COLEC11: variants seen among roughly 807,000 people sequenced by gnomAD.
The protein encoded by COLEC11 is collectin subfamily member 11, also known as collectin-11.
COLEC11 carries 20 observed loss-of-function variants against 27.3 expected under a neutral mutation model. The ratio of observed to expected loss-of-function variants is 0.73; its 90% CI spans 0.51 to 1.06. COLEC11 has a LOEUF of 1.06. Among genes scored for constraint, COLEC11 ranks in the 50% least tolerant of loss-of-function variants. The pLI is 0.00. For missense variants in COLEC11, 310 were observed against 383.0 expected (o/e 0.81, Z 1.59); for synonymous variants, 163 against 154.7 (o/e 1.05, Z -0.40).
intron 1 of COLEC11, among the ~76,000 whole-genome samples, chr2:3,595,536 G>T (rs889701851): frequency 1.3e-5 from 2 of 152,164 alleles, no homozygotes; most frequent in African/African-American, 4.8e-5. Flanking sequence ...ACAACCTGAC[G>T]ATTGTTCCTG....
chr2:3,627,921 G>A (rs1664680429), intron 3 of COLEC11, among the ~76,000 whole-genome samples: 2 of 152,240 alleles, frequency 1.3e-5, no homozygotes, highest in African/African-American at 2.4e-5. Flanking sequence ...CCTGGGAAGA[G>A]CGGGACCTGG....
At chr2:3,632,645 G>A (rs1665104446) in intron 3 of COLEC11, among the ~76,000 whole-genome samples, 1 of 152,216 alleles carries the variant, frequency 6.6e-6, no homozygotes, top group Non-Finnish European at 1.5e-5. Flanking sequence ...CAGAATTTTG[G>A]AGGATGTAAT....
chr2:3,606,473 T>C (rs540421451), intron 2 of COLEC11, among the ~76,000 whole-genome samples: 35 of 152,310 alleles, frequency 2.3e-4, no homozygotes, highest in African/African-American at 8.4e-4. Context: ...ACGGGTCACC[T>C]GTCCTCCCAA....
At chr2:3,607,668 C>T (rs571314714) in intron 2 of COLEC11, among the ~76,000 whole-genome samples, 7 of 152,156 alleles carry the variant, frequency 4.6e-5, no homozygotes, top group African/African-American at 7.2e-5. Flanking sequence ...AGGCTGGTCT[C>T]GAACTCCTGA....
chr2:3,624,289 T>C (rs1463011700), intron 3 of COLEC11, among the ~76,000 whole-genome samples: 2 of 152,166 alleles, frequency 1.3e-5, no homozygotes, highest in African/African-American at 4.8e-5. Context: ...GGGTGAAGCA[T>C]GTGAGCATTT....
At chr2:3,616,724 G>C (rs772456432) in intron 3 of COLEC11, among the ~76,000 whole-genome samples, 23 of 152,112 alleles carry the variant, frequency 1.5e-4, no homozygotes, top group Non-Finnish European at 2.4e-4. Flanking sequence ...GTCCAGCTTC[G>C]GCTCAGCATC....
chr2:3,643,396 TC>T, intron 5 of COLEC11, 47 bp from the exon 6 acceptor site: 1 of 1,478,532 alleles, frequency 6.8e-7, no homozygotes, highest in Non-Finnish European at 9.5e-7. Context: ...CTCTTCTGAG[TC>T]CGAGTCCTCA....
chr2:3,607,009 C>G (rs1662758982), intron 2 of COLEC11, among the ~76,000 whole-genome samples: 1 of 152,230 alleles, frequency 6.6e-6, no homozygotes, highest in African/African-American at 2.4e-5. Context: ...TGTCTCCTCA[C>G]AGTCCCGCCG....
chr2:3,617,085 A>G (rs1409476879), intron 3 of COLEC11, among the ~76,000 whole-genome samples: 2 of 151,986 alleles, frequency 1.3e-5, no homozygotes, highest in African/African-American at 2.4e-5. Context: ...CTATGGACCC[A>G]GTAGTGACAT....
At chr2:3,598,938 T>C (rs1451591740) in intron 1 of COLEC11, among the ~76,000 whole-genome samples, 1 of 152,234 alleles carries the variant, frequency 6.6e-6, no homozygotes, top group African/African-American at 2.4e-5. Context: ...CAACGTATAT[T>C]GGCTCCTTGT....
intron 1 of COLEC11, chr2:3,603,839 G>T (rs1050833356): frequency 4.7e-6 from 3 of 634,696 alleles, no homozygotes; most frequent in East Asian, 2.8e-5. Flanking sequence ...AGATGTGGGG[G>T]CGTGGATTCC....
chr2:3,599,203 T>C (rs1187568348), intron 1 of COLEC11, among the ~76,000 whole-genome samples: 13 of 152,138 alleles, frequency 8.5e-5, no homozygotes, highest in East Asian at 1.9e-4. Flanking sequence ...CTCTGTGCAG[T>C]GTATGGGAGT....
At position 3,602,657 on chromosome 2, in the gene COLEC11, C is replaced by T. The variant is rs567519152; in HGVS notation, c.-26-1658C>T. 7.9e-5 allele frequency among the ~76,000 whole-genome samples: 12 copies of T among 152,284 alleles called. No homozygotes were observed. Among genetic ancestry groups the T allele is most frequent in the South Asian group, 4.2e-4 (2 of 4,816 alleles). On this transcript the variant is annotated intron_variant, in intron 1 of 6. Coordinates refer to ENST00000349077, the MANE Select transcript of COLEC11 (RefSeq NM_024027.5). The surrounding 1 kb of genome is among the most constrained non-coding windows in gnomAD (Gnocchi z 6.2). ...GAGCAGGGAGACCCTTTTGTAAAGC[C>T]GCTCGCTGATCCAGACCCTCTGTCT... is the stretch of plus-strand genomic sequence containing the variant.
intron 3 of COLEC11, among the ~76,000 whole-genome samples, chr2:3,635,074 CCTCTCCCCTGCCT>C: frequency 7.9e-6 from 1 of 126,630 alleles, no homozygotes; most frequent in Non-Finnish European, 1.8e-5. Context: ...CATGATGATC[CCTCTCCCCTGCCT>C]GTCCCCCTCT....
chr2:3,616,624 C>T (rs774558487), intron 3 of COLEC11, among the ~76,000 whole-genome samples: 5 of 152,224 alleles, frequency 3.3e-5, no homozygotes, highest in South Asian at 2.1e-4. Flanking sequence ...TCAGGCATGG[C>T]GGCGCACGCC....
intron 1 of COLEC11, among the ~76,000 whole-genome samples, chr2:3,600,633 G>A (rs1662149362): frequency 6.6e-6 from 1 of 152,268 alleles, no homozygotes; most frequent in South Asian, 2.1e-4. Context: ...TTCGCATTCA[G>A]GATGGCGTCC....
At chr2:3,641,123 T>C (rs1377637868) in intron 5 of COLEC11, 2 of 834,646 alleles carry the variant, frequency 2.4e-6, no homozygotes, top group South Asian at 1.4e-5. Context: ...CCACCCACCA[T>C]GTAGACCCCA....
chr2:3,632,457 G>A (rs907640762), intron 3 of COLEC11, among the ~76,000 whole-genome samples: 3 of 152,224 alleles, frequency 2.0e-5, no homozygotes, highest in South Asian at 2.1e-4. Flanking sequence ...GCTGTCCGGG[G>A]CTTACAGGCG....
intron 1 of COLEC11, chr2:3,603,884 C>T: frequency 1.7e-6 from 1 of 593,070 alleles, no homozygotes; most frequent in Non-Finnish European, 3.0e-6. Flanking sequence ...CTTGGGGCTC[C>T]TCAGGCGCCT....
Sources: allele counts gnomAD v4.1 joint callset (sites outside exome capture counted in the v4.1 genomes callset), GRCh38; gene constraint gnomAD v4.1.1; non-coding constraint Gnocchi (gnomAD v3.1); transcripts MANE v1.5; gene names NCBI Gene and HGNC (gene_info 2026-07-23, HGNC 2026-07-21).